VSTM2A: variants seen among roughly 807,000 people sequenced by gnomAD.
VSTM2A encodes the protein V-set and transmembrane domain-containing protein 2A.
Under a neutral mutation model 27.3 loss-of-function variants are expected in VSTM2A, and 13 were observed. The ratio of observed to expected loss-of-function variants is 0.48; its 90% CI spans 0.31 to 0.76. The LOEUF is 0.76. Among genes scored for constraint, VSTM2A ranks in the 30% least tolerant of loss-of-function variants. VSTM2A has a pLI of 0.05. For missense variants in VSTM2A, 280 were observed against 310.0 expected, an observed-to-expected ratio of 0.90 and a Z score of 0.73; for synonymous variants, 142 against 125.7, an observed-to-expected ratio of 1.13 and a Z score of -0.87.
chr7:54,563,047 G>A (rs1034821382), intron 4 of VSTM2A, among the ~76,000 whole-genome samples: 1 of 152,140 alleles, frequency 6.6e-6, no homozygotes, highest in African/African-American at 2.4e-5. Flanking sequence ...TTAAATATAT[G>A]TGGTATTAGA....
rs1165115572 is a variant in VSTM2A at position 54,569,144 on chromosome 7, G to A, written c.648G>A (p.Ser216=). The A allele has an allele frequency of 2.6e-6, 4 of 1,559,134 alleles. No homozygotes were observed. Among genetic ancestry groups the A allele is most frequent in the South Asian group, 2.4e-5 (2 of 84,748 alleles). ...CTCTTCTTAAAGCAAAGAGCAAATC[G>A]CCTGTAAAATCTACGGAGCGGACAG... ...KQSPQSAKSK[S]PVKSTERTAK... Residue 216 remains serine (S), a synonymous_variant, in exon 5 of 5, where the codon TCG becomes TCA. Transcript: ENST00000402613.
intron 2 of VSTM2A, among the ~76,000 whole-genome samples, chr7:54,545,998 A>G (rs1289252053): frequency 1.5e-4 from 10 of 65,612 alleles, no homozygotes; most frequent in Admixed American, 2.0e-4. Context: ...ATGAGGGGGG[A>G]AGGGGGGAGG....
chr7:54,563,596 G>C (rs1047690417), intron 4 of VSTM2A, among the ~76,000 whole-genome samples: 2 of 152,162 alleles, frequency 1.3e-5, no homozygotes, highest in African/African-American at 4.8e-5. Context: ...GACAGCTGCA[G>C]AGCAGGGTTC....
At chr7:54,558,962 AAAGT>A (rs1430858316) in intron 4 of VSTM2A, 1 of 152,110 alleles carries the variant, frequency 6.6e-6, no homozygotes, top group Non-Finnish European at 1.5e-5. Flanking sequence ...ATGTAACTAA[AAAGT>A]AAAGCATCAA....
rs763559921 is a variant in VSTM2A, at chr7:54,544,810, G to A, written c.246+22G>A. On this transcript the variant is annotated intron_variant, in intron 2 of 4. Coordinates refer to ENST00000402613, the MANE Select transcript of VSTM2A (RefSeq NM_001301009.2). ...GCAGGTAGCGGAGCCCGCCGACCCC[G>A]CGTCTCCCCTTCGCTCGCCCGGTCC... The A allele has an allele frequency of 5.7e-6, 9 of 1,580,404 alleles. 1 individual carries two copies. In the South Asian group the frequency reaches 9.1e-5, roughly 16 times the overall value.
chr7:54,568,946 C>T, intron 4 of VSTM2A, 185 bp from the exon 5 acceptor site: 1 of 1,536,354 alleles, frequency 6.5e-7, no homozygotes. Context: ...GTGTTTAAAA[C>T]AACCTAATAA....
chr7:54,563,651 A>C (rs1434323650), intron 4 of VSTM2A, among the ~76,000 whole-genome samples: 4 of 152,130 alleles, frequency 2.6e-5, no homozygotes, highest in African/African-American at 9.7e-5. Flanking sequence ...AGTGGCACCC[A>C]TGCACCCTGT....
At chr7:54,555,610 G>A (rs1368976683) in intron 4 of VSTM2A, among the ~76,000 whole-genome samples, 2 of 152,110 alleles carry the variant, frequency 1.3e-5, no homozygotes, top group African/African-American at 4.8e-5. Flanking sequence ...ACTGTGCCTT[G>A]TATTGTTGAA....
intron 3 of VSTM2A, among the ~76,000 whole-genome samples, chr7:54,548,972 T>C (rs1056897722): frequency 1.3e-5 from 2 of 151,088 alleles, no homozygotes; most frequent in African/African-American, 4.8e-5. Flanking sequence ...GAACATATGA[T>C]TATGTATTAA....
rs369071186 is a variant in VSTM2A at position 54,566,298 on chromosome 7, G to A, written c.635-2833G>A. On this transcript the variant is annotated intron_variant, in intron 4 of 4. Coordinates refer to ENST00000402613, the MANE Select transcript of VSTM2A (RefSeq NM_001301009.2). The stretch of plus-strand genomic sequence containing the variant: ...TCTTCTTCACAGAGCATTTTATGTT[G>A]GGGGTAAAGTTTGAAAACTCTCGAG... 5.3e-5 allele frequency among the ~76,000 whole-genome samples: 8 copies of A among 152,254 alleles called. No homozygotes were observed. In the East Asian group the frequency reaches 1.5e-3, roughly 29 times the overall value.
intron 4 of VSTM2A, among the ~76,000 whole-genome samples, chr7:54,554,805 GC>G (rs1788299088): frequency 6.6e-6 from 1 of 152,178 alleles, no homozygotes; most frequent in Non-Finnish European, 1.5e-5. Context: ...AGCTCCAGTG[GC>G]TGTCTCATTG....
intron 4 of VSTM2A, among the ~76,000 whole-genome samples, chr7:54,560,648 C>T (rs916137342): frequency 2.6e-5 from 4 of 152,026 alleles, no homozygotes; most frequent in African/African-American, 9.7e-5. Context: ...AATTCAGAAT[C>T]CTATAGGTAT....
chr7:54,550,365 G>T, intron 4 of VSTM2A, 195 bp downstream of exon 4: 1 of 1,426,580 alleles, frequency 7.0e-7, no homozygotes. Context: ...GGTGCACCCC[G>T]TCAGTCCCCT....
At chr7:54,569,044 C>T (rs771913225) in intron 4 of VSTM2A, 87 bp from the exon 5 acceptor site, 5 of 1,606,048 alleles carry the variant, frequency 3.1e-6, no homozygotes, top group Non-Finnish European at 3.4e-6. Context: ...ACTTTCTGTC[C>T]TGCTTCTTGT....
intron 2 of VSTM2A, 84 bp from the exon 3 acceptor site, chr7:54,546,863 C>T (rs893965310): frequency 3.9e-6 from 6 of 1,550,250 alleles, no homozygotes; most frequent in East Asian, 2.4e-5. Flanking sequence ...CGGCCCTGCC[C>T]GGAGCCGCGA....
At chr7:54,557,579 T>A (rs587529) in intron 4 of VSTM2A, among the ~76,000 whole-genome samples, 1 of 152,066 alleles carries the variant, frequency 6.6e-6, no homozygotes, top group African/African-American at 2.4e-5. Flanking sequence ...AGTGATCCCC[T>A]CTCTTTGGCC....
At chr7:54,562,116 G>A (rs1788581531) in intron 4 of VSTM2A, among the ~76,000 whole-genome samples, 1 of 152,172 alleles carries the variant, frequency 6.6e-6, no homozygotes, top group Admixed American at 6.5e-5. Context: ...TAGAAACAGG[G>A]TTTCACCATG....
rs536096455 is a variant in VSTM2A at position 54,570,986 on chromosome 7, T to A, written c.*1767T>A. ...CTGAGAAATAATACTTCATGCTAAA[T>A]CTTTTACTGCCACTTTTCTCATTCA... On this transcript the variant is annotated 3_prime_UTR_variant, in exon 5 of 5. Transcript: ENST00000402613. The A allele has an allele frequency of 6.6e-6, 1 of 152,342 alleles. No homozygotes were observed. The highest frequency in any genetic ancestry group is 1.9e-4 in the East Asian group (1 of 5,186). 9.4% of individuals were successfully genotyped at this position (152,342 alleles called of 1,614,324 possible).
intron 4 of VSTM2A, chr7:54,550,433 T>C: frequency 1.2e-6 from 1 of 821,902 alleles, no homozygotes; most frequent in Non-Finnish European, 1.8e-6. Flanking sequence ...ATCCTTTCTG[T>C]ATTTACACAT....
Sources: gnomAD v4.1 joint callset for allele counts (sites outside exome capture counted in the v4.1 genomes callset) on GRCh38, gnomAD v4.1.1 for gene constraint, MANE v1.5 for transcripts, NCBI Gene and HGNC (gene_info 2026-07-23, HGNC 2026-07-21) for gene names.